Variants in SNX13 observed in about 807,000 individuals in gnomAD.
The protein encoded by SNX13 is sorting nexin-13.
In SNX13, 45 loss-of-function variants were observed where a neutral mutation model predicts 133.6. That is an observed-to-expected ratio of 0.34 (90% CI 0.27 to 0.43). The LOEUF (loss-of-function observed/expected upper bound fraction) is 0.43, where lower values mean the gene tolerates loss of function less well. Among genes scored for constraint, SNX13 ranks in the 20% least tolerant of loss-of-function variants. The pLI is 1.00. For synonymous variants in SNX13, 414 were observed against 373.9 expected (o/e 1.11, Z -1.24); for missense variants, 1,032 against 1,145.1 (o/e 0.90, Z 1.43).
chr7:17,813,279 G>T lies in SNX13; in HGVS notation c.2064+1555C>A, dbSNP rs1371361475. 3.9e-5 allele frequency among the ~76,000 whole-genome samples: 6 copies of T among 152,166 alleles called. No individual in the cohort carries two copies. In the East Asian group the frequency reaches 1.2e-3, roughly 29 times the overall value. On this transcript the variant is annotated intron_variant, in intron 20 of 25. Transcript: ENST00000428135. ...TGGATATAATCTTTAAAGGAGAAAA[G>T]ATATATAAACATAAAAAACATGGAA...
chr7:17,849,106 A>G (rs1189458392), intron 11 of SNX13, among the ~76,000 whole-genome samples: 1 of 152,204 alleles, frequency 6.6e-6, no homozygotes, highest in African/African-American at 2.4e-5. Flanking sequence ...TTTTCCTTAG[A>G]ACTCAAGATT....
chr7:17,823,954 G>C (rs953192300), intron 17 of SNX13, among the ~76,000 whole-genome samples: 2 of 152,030 alleles, frequency 1.3e-5, no homozygotes, highest in Non-Finnish European at 2.9e-5. Context: ...AAACCAACAG[G>C]CTTGGAAGAT....
intron 21 of SNX13, 43 bp downstream of exon 21, chr7:17,803,376 T>C: frequency 6.5e-7 from 1 of 1,538,384 alleles, no homozygotes; most frequent in Non-Finnish European, 8.8e-7. Context: ...CTTATTGACT[T>C]AAAAATAGTT....
intron 1 of SNX13, among the ~76,000 whole-genome samples, chr7:17,902,830 G>C (rs1200960607): frequency 2.6e-5 from 4 of 152,168 alleles, no homozygotes; most frequent in Non-Finnish European, 4.4e-5. Flanking sequence ...CCTGAGCTCT[G>C]CCTCCTGTCA....
intron 20 of SNX13, among the ~76,000 whole-genome samples, chr7:17,808,205 C>G (rs924840315): frequency 1.3e-5 from 2 of 151,954 alleles, no homozygotes; most frequent in African/African-American, 2.4e-5. Context: ...AAACTAAGAA[C>G]CTTGAAAAAC....
chr7:17,925,057 A>C (rs180789777), intron 1 of SNX13, among the ~76,000 whole-genome samples: 1 of 152,090 alleles, frequency 6.6e-6, no homozygotes, highest in Non-Finnish European at 1.5e-5. Flanking sequence ...AAAAATACAA[A>C]AATTAGCTGG....
At chr7:17,823,329 G>C (rs1787517518) in intron 17 of SNX13, among the ~76,000 whole-genome samples, 1 of 152,150 alleles carries the variant, frequency 6.6e-6, no homozygotes, top group South Asian at 2.1e-4. Flanking sequence ...AACTGATCTT[G>C]TAATAATGGA....
chr7:17,804,945 G>A (rs1023768000), intron 20 of SNX13, among the ~76,000 whole-genome samples: 3 of 152,200 alleles, frequency 2.0e-5, no homozygotes, highest in African/African-American at 7.2e-5. Flanking sequence ...GAGGTAAAAT[G>A]CATATTAATA....
At chr7:17,880,457 C>T (rs751068135) in intron 5 of SNX13, 2 of 152,154 alleles carry the variant, frequency 1.3e-5, no homozygotes, top group Non-Finnish European at 2.9e-5. Context: ...AAAACAAATA[C>T]AACTTTTATT....
At chr7:17,832,959 A>AT (rs781770328) in intron 15 of SNX13, among the ~76,000 whole-genome samples, 117 of 151,558 alleles carry the variant, frequency 7.7e-4, no homozygotes, top group Non-Finnish European at 1.3e-3. Flanking sequence ...TAATAAAGGT[A>AT]TTTTTTAAAG....
chr7:17,797,376 T>C (rs891320963), intron 24 of SNX13, among the ~76,000 whole-genome samples: 1 of 151,844 alleles, frequency 6.6e-6, no homozygotes, highest in Admixed American at 6.6e-5. Context: ...TAAGCCTACA[T>C]AATACTAAAT....
chr7:17,873,639 T>G, intron 7 of SNX13, 23 bp from the exon 8 acceptor site: 5 of 1,414,764 alleles, frequency 3.5e-6, no homozygotes, highest in Non-Finnish European at 4.8e-6. Context: ...AAAGTAGCTA[T>G]CATAACATTA....
At position 17,793,768 on chromosome 7, in the gene SNX13, T is replaced by C. The variant is rs922362473; in HGVS notation, c.*277A>G. 9.5e-6 allele frequency: 3 copies of C among 314,476 alleles called. No homozygotes were observed. Among genetic ancestry groups the C allele is most frequent in the Non-Finnish European group, 1.2e-5 (2 of 168,498 alleles). The allele number at this position is 314,476 out of a possible 1,614,324, so 19.5% of individuals were successfully genotyped here. On this transcript the variant is annotated 3_prime_UTR_variant, in exon 26 of 26. Coordinates refer to ENST00000428135, the MANE Select transcript of SNX13 (RefSeq NM_015132.5). ...CTGGAGAATGCTGATTAGTTTGAAA[T>C]GGAAGAAACCAACGCCATTCTTGCT... is the stretch of plus-strand genomic sequence containing the variant.
intron 9 of SNX13, among the ~76,000 whole-genome samples, chr7:17,855,411 T>C (rs1400469424): frequency 6.6e-6 from 1 of 152,176 alleles, no homozygotes. Context: ...AAAGATGCCA[T>C]CTACTACTTT....
chr7:17,830,361 CAATAT>C (rs1788356017), intron 15 of SNX13: 1 of 984,034 alleles, frequency 1.0e-6, no homozygotes, highest in African/African-American at 1.8e-5. Flanking sequence ...TTGCCTAATA[CAATAT>C]AAGCATGAGG....
chr7:17,798,509 C>T (rs1269521702), intron 24 of SNX13, among the ~76,000 whole-genome samples, 181 bp downstream of exon 24: 1 of 151,718 alleles, frequency 6.6e-6, no homozygotes, highest in Non-Finnish European at 1.5e-5. Context: ...TTTAAAGAAA[C>T]AAAGATCAAT....
At chr7:17,879,335 G>T (rs1292060165) in intron 5 of SNX13, 1 of 152,318 alleles carries the variant, frequency 6.6e-6, no homozygotes, top group African/African-American at 2.4e-5. Context: ...CTTCTGAGTA[G>T]CTGGGAGTAC....
Position 17,875,538 on chromosome 7 carries a change from A to G in SNX13, c.606T>C (p.Val202=), listed in dbSNP as rs762988291. ...CACGGCAAACCTCCTTCTCCATTTC[A>G]ACTTCAACTTCAAAGAAGGTATCTA... The part of the protein sequence containing the change: ...DLVDTFFEVE[V]EMEKEVCRDL... The change falls in exon 7 of 26, where the codon GTT becomes GTC. Residue 202 remains valine, a synonymous_variant. Transcript: ENST00000428135. 3.7e-6 allele frequency: 6 copies of G among 1,610,962 alleles called. No individual in the cohort carries two copies. The highest frequency in any genetic ancestry group is 5.1e-6 in the Non-Finnish European group (6 of 1,179,390).
intron 5 of SNX13, among the ~76,000 whole-genome samples, chr7:17,883,579 T>C (rs763230100): frequency 7.9e-5 from 12 of 152,238 alleles, no homozygotes; most frequent in Admixed American, 3.3e-4. Context: ...TTTTAATACA[T>C]ACTTTTAATT....
Sources: gnomAD v4.1 joint callset for allele counts (sites outside exome capture counted in the v4.1 genomes callset) on GRCh38, gnomAD v4.1.1 for gene constraint, MANE v1.5 for transcripts, NCBI Gene and HGNC (gene_info 2026-07-23, HGNC 2026-07-21) for gene names.